The following TAFA1 variants were observed in gnomAD, a reference collection of about 807,000 sequenced individuals.
TAFA1 encodes chemokine-like protein TAFA-1.
TAFA1 carries 4 observed loss-of-function variants against 18.5 expected under a neutral mutation model. That is an observed-to-expected ratio of 0.22 (90% CI 0.11 to 0.49). The LOEUF (loss-of-function observed/expected upper bound fraction) is 0.49. Among genes scored for constraint, TAFA1 ranks in the 20% least tolerant of loss-of-function variants. TAFA1 has a pLI of 0.98. For synonymous variants in TAFA1, 56 were observed against 55.2 expected (o/e 1.01, Z -0.06); for missense variants, 147 against 169.0 (o/e 0.87, Z 0.72).
chr3:68,183,616 C>A (rs1169674670), intron 2 of TAFA1, among the ~76,000 whole-genome samples: 1 of 152,124 alleles, frequency 6.6e-6, no homozygotes, highest in Non-Finnish European at 1.5e-5. Context: ...GATCATTTCA[C>A]AGCTTATGCA....
chr3:68,482,104 G>A (rs1197103354), intron 3 of TAFA1, among the ~76,000 whole-genome samples: 5 of 152,142 alleles, frequency 3.3e-5, no homozygotes, highest in South Asian at 2.1e-4. Flanking sequence ...TCTGCCTCCC[G>A]GGTTCATGCC....
At position 68,064,239 on chromosome 3, in the gene TAFA1, G is replaced by C. The variant is rs1022801733; in HGVS notation, c.118+57495G>C. 2.6e-5 allele frequency among the ~76,000 whole-genome samples: 4 copies of C among 152,172 alleles called. No individual in the cohort carries two copies. In the East Asian group the frequency reaches 7.7e-4, roughly 29 times the overall value. On this transcript the variant is annotated intron_variant, in intron 2 of 4. Transcript: ENST00000478136. ...AACCAGCTGGGAGGACATTTTCTCCGAAAAAAGAAATGGGGATAGTTGATG... is the reference window on the plus strand; with the variant it reads ...AACCAGCTGGGAGGACATTTTCTCCCAAAAAAGAAATGGGGATAGTTGATG...
intron 2 of TAFA1, among the ~76,000 whole-genome samples, chr3:68,102,401 C>A (rs2065158236): frequency 6.6e-6 from 1 of 152,150 alleles, no homozygotes; most frequent in African/African-American, 2.4e-5. Flanking sequence ...TCCTGTAGCT[C>A]TTTGTCCAAC....
At chr3:68,170,555 G>T (rs769014410) in intron 2 of TAFA1, among the ~76,000 whole-genome samples, 2 of 152,126 alleles carry the variant, frequency 1.3e-5, no homozygotes, top group Non-Finnish European at 2.9e-5. Context: ...ATATATTTCT[G>T]GGAATCCAGA....
intron 3 of TAFA1, among the ~76,000 whole-genome samples, chr3:68,443,909 A>G (rs2071430783): frequency 6.6e-6 from 1 of 152,322 alleles, no homozygotes. Flanking sequence ...TGTCAGGAGC[A>G]GAATAACTGC....
intron 2 of TAFA1, among the ~76,000 whole-genome samples, chr3:68,147,017 A>ATGTGTG (rs202212238): frequency 3.7e-4 from 54 of 146,864 alleles, no homozygotes; most frequent in Non-Finnish European, 4.6e-4. Context: ...GTGTATATAT[A>ATGTGTG]TATGTGTGTG....
intron 3 of TAFA1, among the ~76,000 whole-genome samples, chr3:68,424,681 A>G (rs1233633696): frequency 6.8e-6 from 1 of 147,308 alleles, no homozygotes; most frequent in African/African-American, 2.4e-5. Context: ...AAATTCAGCA[A>G]CAGTTTTTCA....
chr3:68,391,008 G>A (rs2070229044), intron 2 of TAFA1, among the ~76,000 whole-genome samples: 1 of 152,144 alleles, frequency 6.6e-6, no homozygotes, highest in African/African-American at 2.4e-5. Flanking sequence ...CTGAGAATGA[G>A]TTTGATGAAT....
At chr3:68,219,446 A>G (rs911470885) in intron 2 of TAFA1, among the ~76,000 whole-genome samples, 2 of 152,078 alleles carry the variant, frequency 1.3e-5, no homozygotes, top group Admixed American at 6.6e-5. Flanking sequence ...GCCTTTTCCA[A>G]TGCAGTTGTG....
chr3:68,035,159 C>T (rs1429062130), intron 2 of TAFA1, among the ~76,000 whole-genome samples: 2 of 152,130 alleles, frequency 1.3e-5, no homozygotes, highest in African/African-American at 4.8e-5. Flanking sequence ...ACAAAGCACC[C>T]CTCTGATTTA....
chr3:68,066,386 G>A (rs1023752177), intron 2 of TAFA1, among the ~76,000 whole-genome samples: 2 of 152,004 alleles, frequency 1.3e-5, no homozygotes, highest in African/African-American at 4.8e-5. Flanking sequence ...ATAAATATTT[G>A]GGAAATAAAT....
chr3:68,382,994 C>A (rs2070008424), intron 2 of TAFA1, among the ~76,000 whole-genome samples: 1 of 152,056 alleles, frequency 6.6e-6, no homozygotes, highest in Non-Finnish European at 1.5e-5. Flanking sequence ...CCTGGTTTGG[C>A]TTTCAGCTTG....
At chr3:68,043,167 C>T (rs997611533) in intron 2 of TAFA1, among the ~76,000 whole-genome samples, 1 of 152,116 alleles carries the variant, frequency 6.6e-6, no homozygotes, top group Non-Finnish European at 1.5e-5. Flanking sequence ...CCACCGTGCC[C>T]AGCCTATATT....
intron 2 of TAFA1, among the ~76,000 whole-genome samples, chr3:68,146,055 A>G (rs1480952471): frequency 6.6e-6 from 1 of 152,196 alleles, no homozygotes; most frequent in Non-Finnish European, 1.5e-5. Flanking sequence ...TTTTCTACAG[A>G]AGGAACCTCT....
At chr3:68,348,525 C>T (rs2069206342) in intron 2 of TAFA1, among the ~76,000 whole-genome samples, 1 of 152,086 alleles carries the variant, frequency 6.6e-6, no homozygotes, top group Non-Finnish European at 1.5e-5. Flanking sequence ...TACCTGAGAC[C>T]TATTTTCCTA....
intron 3 of TAFA1, among the ~76,000 whole-genome samples, chr3:68,489,358 C>G (rs1442675212): frequency 6.6e-6 from 1 of 152,148 alleles, no homozygotes; most frequent in Non-Finnish European, 1.5e-5. Context: ...CAAGAAAAGT[C>G]TGAAAGCCAT....
At chr3:68,349,853 G>A (rs1269444174) in intron 2 of TAFA1, among the ~76,000 whole-genome samples, 1 of 152,112 alleles carries the variant, frequency 6.6e-6, no homozygotes, top group Non-Finnish European at 1.5e-5. Context: ...GAGCCCAGAA[G>A]ATCAGCATCT....
chr3:68,095,930 A>G (rs369873598), intron 2 of TAFA1, among the ~76,000 whole-genome samples: 23 of 152,280 alleles, frequency 1.5e-4, no homozygotes, highest in African/African-American at 5.3e-4. Context: ...CCATCACCAG[A>G]AGCATTTATC....
intron 2 of TAFA1, among the ~76,000 whole-genome samples, chr3:68,353,227 C>T (rs964767217): frequency 6.6e-6 from 1 of 152,082 alleles, no homozygotes; most frequent in African/African-American, 2.4e-5. Context: ...AAGCACCAAG[C>T]ACTAGTAGTC....
Sources: allele counts gnomAD v4.1 joint callset (sites outside exome capture counted in the v4.1 genomes callset), GRCh38; gene constraint gnomAD v4.1.1; transcripts MANE v1.5; gene names NCBI Gene and HGNC (gene_info 2026-07-23, HGNC 2026-07-21).